Variants in TAMM41 observed in about 807,000 individuals in gnomAD.
The protein encoded by TAMM41 is TAM41 mitochondrial translocator assembly and maintenance homolog.
TAMM41 carries 36 observed loss-of-function variants against 44.1 expected under a neutral mutation model. The observed-to-expected ratio is 0.82, with a 90% CI of 0.63 to 1.08. The LOEUF is 1.08. Among genes scored for constraint, TAMM41 ranks in the 50% least tolerant of loss-of-function variants. TAMM41 has a pLI of 0.00. For synonymous variants in TAMM41, 164 were observed against 153.1 expected, an observed-to-expected ratio of 1.07 and a Z score of -0.53; for missense variants, 417 against 404.3, an observed-to-expected ratio of 1.03 and a Z score of -0.27.
intron 4 of TAMM41, among the ~76,000 whole-genome samples, chr3:11,824,088 A>T (rs1285308223): frequency 1.3e-5 from 2 of 151,920 alleles, no homozygotes; most frequent in Non-Finnish European, 2.9e-5. Context: ...TGGCCTCCCA[A>T]AGTGTTGGGA....
At chr3:11,784,796 C>CTTTTTTTTTT in the TAMM41 span, among the ~76,000 whole-genome samples, 25 of 109,002 alleles carry the variant, frequency 2.3e-4, no homozygotes, top group Non-Finnish European at 2.6e-4. Context: ...CTTTTCTTTT[C>CTTTTTTTTTT]TTTTTTTTTT....
At chr3:11,747,494 C>G in the TAMM41 span, among the ~76,000 whole-genome samples, 1,156 of 152,218 alleles carry the variant, frequency 7.6e-3, 15 homozygotes, top group Middle Eastern at 0.024. Context: ...AAAGATGGGG[C>G]ACGGTGACTC....
At chr3:11,733,378 C>T in the TAMM41 span, among the ~76,000 whole-genome samples, 4 of 152,102 alleles carry the variant, frequency 2.6e-5, no homozygotes, top group South Asian at 8.3e-4. Flanking sequence ...TGCCTGAGGC[C>T]TTTTACCCTT....
At chr3:11,832,032 A>G (rs2079001571) in intron 3 of TAMM41, among the ~76,000 whole-genome samples, 1 of 152,228 alleles carries the variant, frequency 6.6e-6, no homozygotes, top group Non-Finnish European at 1.5e-5. Context: ...GACAACAAAA[A>G]TCAGGATCAC....
intron 7 of TAMM41, among the ~76,000 whole-genome samples, chr3:11,795,925 C>A (rs1047534636): frequency 2.0e-5 from 3 of 152,188 alleles, no homozygotes. Flanking sequence ...AGCCAGCTGG[C>A]TTCAGTTGCT....
chr3:11,727,788 AT>A, the TAMM41 span, among the ~76,000 whole-genome samples: 21,413 of 128,388 alleles, frequency 0.17, 1,703 homozygotes, highest in African/African-American at 0.26. Context: ...TTCTAATTTA[AT>A]TTTTTTTTTT....
intron 7 of TAMM41, among the ~76,000 whole-genome samples, chr3:11,794,001 G>C (rs770624949): frequency 2.0e-5 from 3 of 152,076 alleles, no homozygotes; most frequent in Admixed American, 1.3e-4. Context: ...GTCACACATA[G>C]AACAAATATT....
chr3:11,784,749 T>C, the TAMM41 span, among the ~76,000 whole-genome samples: 3 of 152,028 alleles, frequency 2.0e-5, no homozygotes, highest in Non-Finnish European at 4.4e-5. Flanking sequence ...TGTAGGGACT[T>C]TGTTTACTCT....
At chr3:11,787,132 C>T (rs1230976601), downstream of TAMM41, among the ~76,000 whole-genome samples, 1 of 152,144 alleles carries the variant, frequency 6.6e-6, no homozygotes, top group African/African-American at 2.4e-5. Flanking sequence ...AACATGGCGG[C>T]TGGGTTGCAA....
At chr3:11,790,998 T>C (rs144154206) in intron 7 of TAMM41, among the ~76,000 whole-genome samples, 1 of 152,226 alleles carries the variant, frequency 6.6e-6, no homozygotes, top group Non-Finnish European at 1.5e-5. Flanking sequence ...TGTCTGACTA[T>C]GACAAATGCT....
chr3:11,799,907 C>A (rs1429499630), intron 7 of TAMM41, among the ~76,000 whole-genome samples: 1 of 152,090 alleles, frequency 6.6e-6, no homozygotes, highest in African/African-American at 2.4e-5. Flanking sequence ...TCAGCAGAAA[C>A]CTTAAAGGCC....
At chr3:11,757,843 C>A in the TAMM41 span, among the ~76,000 whole-genome samples, 1 of 152,192 alleles carries the variant, frequency 6.6e-6, no homozygotes, top group Non-Finnish European at 1.5e-5. Flanking sequence ...TCTTTCTAAT[C>A]CTGCTCCCTG....
chr3:11,732,410 G>A, the TAMM41 span, among the ~76,000 whole-genome samples: 1 of 151,974 alleles, frequency 6.6e-6, no homozygotes. Flanking sequence ...TGTTACAACT[G>A]TCAGTAAGAC....
intron 4 of TAMM41, among the ~76,000 whole-genome samples, chr3:11,829,435 C>T (rs2078891390): frequency 6.6e-6 from 1 of 152,156 alleles, no homozygotes; most frequent in Admixed American, 6.5e-5. Flanking sequence ...AGGGAGTTTT[C>T]TGTATTATTC....
chr3:11,775,229 T>C, the TAMM41 span, among the ~76,000 whole-genome samples: 1 of 141,746 alleles, frequency 7.1e-6, no homozygotes, highest in Admixed American at 7.2e-5. Flanking sequence ...GACACACAAA[T>C]TCAGACCATA....
the TAMM41 span, among the ~76,000 whole-genome samples, chr3:11,766,167 G>T: frequency 6.6e-6 from 1 of 152,000 alleles, no homozygotes; most frequent in Non-Finnish European, 1.5e-5. Flanking sequence ...TTCTTTTTTT[G>T]TTGTTGGTTT....
At chr3:11,769,116 G>C in the TAMM41 span, among the ~76,000 whole-genome samples, 756 of 152,230 alleles carry the variant, frequency 5.0e-3, 6 homozygotes, top group Middle Eastern at 0.02. Flanking sequence ...TCTACAAACA[G>C]TCTCACTCTG....
downstream of TAMM41, among the ~76,000 whole-genome samples, chr3:11,788,371 T>C (rs939419305): frequency 2.6e-5 from 4 of 152,232 alleles, no homozygotes; most frequent in Admixed American, 6.5e-5. Context: ...CACAGATCAC[T>C]GCAGCCTTGA....
the TAMM41 span, among the ~76,000 whole-genome samples, chr3:11,784,604 C>T: frequency 1.3e-5 from 2 of 152,134 alleles, no homozygotes; most frequent in Non-Finnish European, 1.5e-5. Context: ...ATTTTTAACC[C>T]CTTCCCTTCA....
Sources: gnomAD v4.1 joint callset for allele counts (sites outside exome capture counted in the v4.1 genomes callset) on GRCh38, gnomAD v4.1.1 for gene constraint, MANE v1.5 for transcripts, NCBI Gene and HGNC (gene_info 2026-07-23, HGNC 2026-07-21) for gene names.